Variants in ARAP2 observed in about 807,000 individuals in gnomAD.
ARAP2 encodes ArfGAP with RhoGAP domain, ankyrin repeat and PH domain 2.
In ARAP2, 148 loss-of-function variants were observed where a neutral mutation model predicts 194.5. The observed-to-expected ratio is 0.76, with a 90% confidence interval of 0.67 to 0.87. The LOEUF (loss-of-function observed/expected upper bound fraction) is 0.87, where lower values mean the gene tolerates loss of function less well. Ranked by LOEUF, ARAP2 falls within the 40% of genes least tolerant of loss-of-function variation. The pLI, the probability that ARAP2 is intolerant of heterozygous loss-of-function variation, is 0.00. For missense variants in ARAP2, 2,128 were observed against 1,989.7 expected (o/e 1.07, Z -1.32); for synonymous variants, 695 against 683.5 (o/e 1.02, Z -0.26).
chr4:36,126,570 T>C (rs7674819), intron 21 of ARAP2, among the ~76,000 whole-genome samples: 142,814 of 152,058 alleles, frequency 0.94, 67,160 homozygotes, highest in African/African-American at 0.98. Flanking sequence ...TGAATTCACT[T>C]AGACAGTACT....
chr4:36,165,005 A>G lies in ARAP2; in HGVS notation c.2082T>C (p.Asn694=). The change falls in exon 11 of 33, where the codon AAT becomes AAC. Residue 694 remains asparagine, a synonymous_variant. Coordinates refer to ENST00000303965, the MANE Select transcript of ARAP2 (RefSeq NM_015230.4). Reference sequence around the variant, plus strand: ...AATCTGCACAGCTCCTGTTGGATTCATTGAACCAAATCTTCTCAGCTACTT... The same window carrying G: ...AATCTGCACAGCTCCTGTTGGATTCGTTGAACCAAATCTTCTCAGCTACTT... ...DYEVAEKIWF[N]ESNRSCADCK... 1 of 1,614,112 alleles carries G rather than the reference A, an allele frequency of 6.2e-7. No homozygotes were observed. Among genetic ancestry groups the G allele is most frequent in the Middle Eastern group, 1.6e-4 (1 of 6,062 alleles).
rs1560370117 is a variant in ARAP2 at position 36,073,685 on chromosome 4, C to T, written c.4743+4G>A. 6.2e-7 allele frequency: 1 copy of T among 1,610,230 alleles called. No individual in the cohort carries two copies. The highest frequency in any genetic ancestry group is 8.5e-7 in the Non-Finnish European group (1 of 1,177,652). ...AATATAAAACAAACAAAATCCTAAC[C>T]TACCTCAATATTTTTCCGGGCCAAG... On this transcript the variant is annotated splice_donor_region_variant and intron_variant, in intron 32 of 32. Transcript: ENST00000303965.
At chr4:36,039,172 C>A (rs1261956816) in intron 5 of ARAP2, among the ~76,000 whole-genome samples, 1 of 152,212 alleles carries the variant, frequency 6.6e-6, no homozygotes, top group Admixed American at 6.5e-5. Flanking sequence ...GTGGCACCTG[C>A]AGAGCTCTGC....
rs955535910 is a variant in ARAP2 at position 36,244,390 on chromosome 4, G to C, written c.-371C>G. 2 of 150,472 alleles carry C rather than the reference G, an allele frequency of 1.3e-5. No individual in the cohort carries two copies. Among genetic ancestry groups the C allele is most frequent in the Admixed American group, 6.6e-5 (1 of 15,126 alleles). The allele number at this position is 150,472 out of a possible 1,614,324, so 9.3% of individuals were successfully genotyped here. On this transcript the variant is annotated 5_prime_UTR_variant, in exon 1 of 33. Transcript: ENST00000303965. ...GCGCTGTTAGTGGGGCCGGCGTGTC[G>C]CGGCCGCCGCACCTGGAGGCGGGGA... is the stretch of plus-strand genomic sequence containing the variant.
chr4:36,121,133 G>A lies in ARAP2; in HGVS notation c.3894+46C>T, dbSNP rs774627098. On this transcript the variant is annotated intron_variant, in intron 23 of 32. Coordinates refer to ENST00000303965, the MANE Select transcript of ARAP2 (RefSeq NM_015230.4). ...CAACATAAATATTTGTTGGCAAACAGTGACATTATAACCATTTTAACAAGG... is the reference window on the plus strand; with the variant it reads ...CAACATAAATATTTGTTGGCAAACAATGACATTATAACCATTTTAACAAGG... 2.8e-6 allele frequency: 4 copies of A among 1,411,654 alleles called. No individual in the cohort carries two copies. In the Admixed American group the frequency reaches 6.6e-5, roughly 23 times the overall value. The allele number at this position is 1,411,654 out of a possible 1,614,324, so 87.4% of individuals were successfully genotyped here.
At chr4:36,047,332 A>C (rs978678184) in intron 3 of ARAP2, 1 of 152,220 alleles carries the variant, frequency 6.6e-6, no homozygotes, top group Admixed American at 6.5e-5. Flanking sequence ...GAGAAGGTAC[A>C]ATTCATCTGA....
chr4:36,206,663 C>T (rs1437970106), intron 6 of ARAP2, among the ~76,000 whole-genome samples: 1 of 152,282 alleles, frequency 6.6e-6, no homozygotes, highest in East Asian at 1.9e-4. Flanking sequence ...AATTATTATA[C>T]TTTTGTCTTT....
At chr4:36,242,519 C>A (rs1358904117) in intron 1 of ARAP2, among the ~76,000 whole-genome samples, 4 of 152,114 alleles carry the variant, frequency 2.6e-5, no homozygotes, top group Non-Finnish European at 5.9e-5. Flanking sequence ...ACCCAGAATT[C>A]TACGTAGACT....
intron 2 of ARAP2, among the ~76,000 whole-genome samples, chr4:36,053,714 T>G (rs1159967582): frequency 6.6e-6 from 1 of 152,214 alleles, no homozygotes; most frequent in Non-Finnish European, 1.5e-5. Context: ...GAAGAGTTTT[T>G]AAACTAAAAG....
At chr4:36,174,016 C>G (rs1737255378) in intron 9 of ARAP2, among the ~76,000 whole-genome samples, 1 of 152,112 alleles carries the variant, frequency 6.6e-6, no homozygotes. Context: ...TTACCAGAAA[C>G]CTAATTTATT....
chr4:36,177,251 C>T (rs1471481397), intron 9 of ARAP2, among the ~76,000 whole-genome samples: 1 of 151,974 alleles, frequency 6.6e-6, no homozygotes. Flanking sequence ...TAATTTTAAT[C>T]GATTTTATTT....
chr4:36,016,822 T>C (rs1448862185), intron 6 of ARAP2, among the ~76,000 whole-genome samples: 1 of 152,168 alleles, frequency 6.6e-6, no homozygotes, highest in Non-Finnish European at 1.5e-5. Context: ...TGCTCCTCAT[T>C]GTATATTCTT....
In ARAP2 at chr4:36,066,842, T is replaced by C. The variant is rs1168069364; in HGVS notation, c.*1065A>G. On this transcript the variant is annotated 3_prime_UTR_variant, in exon 33 of 33. Coordinates refer to ENST00000303965, the MANE Select transcript of ARAP2 (RefSeq NM_015230.4). ...AATGTGACCAGGTAGCCCCCAAATG[T>C]ATAGTAAACCACCAACTAGCCCCTG... 1.2e-4 allele frequency: 18 copies of C among 152,138 alleles called. No homozygotes were observed. The highest frequency in any genetic ancestry group is 1.2e-3 in the Admixed American group (18 of 15,274). The allele number at this position is 152,138 out of a possible 1,614,324, so 9.4% of individuals were successfully genotyped here.
intron 2 of ARAP2, among the ~76,000 whole-genome samples, chr4:36,215,800 T>C (rs1747809048): frequency 6.6e-6 from 1 of 151,518 alleles, no homozygotes; most frequent in Non-Finnish European, 1.5e-5. Flanking sequence ...CAGTGACCCA[T>C]GATCGTGCCA....
rs200864401 is a variant in ARAP2, at chr4:36,163,010, G to A, written c.2174-1460C>T. 6.6e-5 allele frequency among the ~76,000 whole-genome samples: 10 copies of A among 152,146 alleles called. 1 individual carries two copies. The East Asian group carries it at 1.5e-3, about 23-fold the overall frequency. ...TATGAAATGGGCTGAGGGGAACAAC[G>A]ATGGCTCCATTTTTGACATGTTACA... On this transcript the variant is annotated intron_variant, in intron 11 of 32. Transcript: ENST00000303965.
intron 5 of ARAP2, among the ~76,000 whole-genome samples, chr4:36,033,074 T>C (rs530356865): frequency 3.9e-5 from 6 of 152,344 alleles, no homozygotes; most frequent in South Asian, 2.1e-4. Context: ...CAGTCTGTCA[T>C]TGATGGGCAT....
chr4:36,234,516 A>G (rs930780864), intron 1 of ARAP2, among the ~76,000 whole-genome samples: 6 of 152,198 alleles, frequency 3.9e-5, no homozygotes, highest in African/African-American at 1.4e-4. Flanking sequence ...CAAGTGTTTA[A>G]CTATATTCTG....
intron 5 of ARAP2, among the ~76,000 whole-genome samples, chr4:36,036,465 T>C (rs562938921): frequency 6.6e-6 from 1 of 152,214 alleles, no homozygotes; most frequent in African/African-American, 2.4e-5. Context: ...ATTTATTACA[T>C]TCTTCAAAAT....
Position 36,067,754 on chromosome 4 carries a change from T to C in ARAP2, c.*153A>G, listed in dbSNP as rs1465941314. On this transcript the variant is annotated 3_prime_UTR_variant, in exon 33 of 33. Transcript: ENST00000303965. ...TTACATTCAGTCACATATATACATA[T>C]TTTTAAATGCTCCTTAAATGCCTAA... 3 of 780,572 alleles carry C rather than the reference T, an allele frequency of 3.8e-6. No homozygotes were observed. Among genetic ancestry groups the C allele is most frequent in the Non-Finnish European group, 5.9e-6 (3 of 509,366 alleles). The allele number at this position is 780,572 out of a possible 1,614,324, so 48.4% of individuals were successfully genotyped here.
Sources: gnomAD v4.1 joint callset for allele counts (sites outside exome capture counted in the v4.1 genomes callset) on GRCh38, gnomAD v4.1.1 for gene constraint, MANE v1.5 for transcripts, NCBI Gene and HGNC (gene_info 2026-07-23, HGNC 2026-07-21) for gene names.